The following WDR70 variants were observed in gnomAD, a reference collection of about 807,000 sequenced individuals.
The protein encoded by WDR70 is WD repeat domain 70, also known as WD repeat-containing protein 70.
Under a neutral mutation model 88.6 loss-of-function variants are expected in WDR70, and 53 were observed. That is an observed-to-expected ratio of 0.60 (90% CI 0.48 to 0.75). WDR70 has a LOEUF of 0.75. Ranked by LOEUF, WDR70 falls within the 30% of genes least tolerant of loss-of-function variation. The pLI is 0.00. For missense variants in WDR70, 610 were observed against 823.2 expected (o/e 0.74, Z 3.17); for synonymous variants, 280 against 270.0 (o/e 1.04, Z -0.36).
intron 10 of WDR70, among the ~76,000 whole-genome samples, chr5:37,610,684 T>C (rs1317236321): frequency 9.9e-5 from 15 of 152,136 alleles, no homozygotes; most frequent in Admixed American, 9.8e-4. Context: ...TGTAAAAAAT[T>C]CAGGGAATGA....
chr5:37,417,137 A>G (rs1749781287), intron 5 of WDR70, among the ~76,000 whole-genome samples: 1 of 152,210 alleles, frequency 6.6e-6, no homozygotes, highest in East Asian at 1.9e-4. Flanking sequence ...AGTTATAAAG[A>G]TAATCCAAAG....
chr5:37,665,558 C>T (rs1232334030), intron 10 of WDR70, among the ~76,000 whole-genome samples: 3 of 152,146 alleles, frequency 2.0e-5, no homozygotes, highest in African/African-American at 4.8e-5. Flanking sequence ...AAACAACCCC[C>T]AAAAGTCTCT....
intron 7 of WDR70, among the ~76,000 whole-genome samples, chr5:37,444,375 G>T: frequency 8.5e-6 from 1 of 118,276 alleles, no homozygotes; most frequent in South Asian, 2.9e-4. Flanking sequence ...GTCTGGCTCT[G>T]TTGCCCAGGC....
intron 9 of WDR70, among the ~76,000 whole-genome samples, chr5:37,551,316 A>C (rs1742138358): frequency 6.8e-6 from 1 of 147,912 alleles, no homozygotes; most frequent in Admixed American, 6.7e-5. Context: ...CCCCCTCCGC[A>C]AAAAAAAAAT....
At chr5:37,564,380 A>C (rs1261203456) in intron 9 of WDR70, among the ~76,000 whole-genome samples, 1 of 152,216 alleles carries the variant, frequency 6.6e-6, no homozygotes, top group Non-Finnish European at 1.5e-5. Context: ...TACGAAAACC[A>C]GTCAGGTGTG....
intron 5 of WDR70, among the ~76,000 whole-genome samples, chr5:37,419,212 C>CT (rs552848123): frequency 0.14 from 19,771 of 144,792 alleles, 4,299 homozygotes; most frequent in African/African-American, 0.46. Context: ...TAAAGTGTTT[C>CT]TTTTTTTTTT....
intron 9 of WDR70, among the ~76,000 whole-genome samples, chr5:37,519,118 CTCTT>C (rs1439036787): frequency 6.6e-6 from 1 of 152,214 alleles, no homozygotes; most frequent in Non-Finnish European, 1.5e-5. Context: ...AATCTGATCT[CTCTT>C]TCTTTTCCCC....
chr5:37,720,642 C>T (rs1191281886), intron 13 of WDR70, among the ~76,000 whole-genome samples: 3 of 152,164 alleles, frequency 2.0e-5, no homozygotes, highest in African/African-American at 7.2e-5. Context: ...TACAAATGTG[C>T]ATTGTTTCTG....
chr5:37,430,812 C>T lies in WDR70; in HGVS notation c.493-7110C>T, dbSNP rs193195199. Reference sequence around the variant, plus strand: ...CTGACCTCAAGTGATCCACCTGCCTCGGCCTCCCAACTGCTGGGATTACAG... The same window carrying T: ...CTGACCTCAAGTGATCCACCTGCCTTGGCCTCCCAACTGCTGGGATTACAG... On this transcript the variant is annotated intron_variant, in intron 5 of 17. Coordinates refer to ENST00000265107, the MANE Select transcript of WDR70 (RefSeq NM_018034.4). Among the ~76,000 whole-genome samples the T allele has an allele frequency of 7.2e-5, 11 of 151,936 alleles. No individual in the cohort carries two copies. In the East Asian group the frequency reaches 7.8e-4, roughly 11 times the overall value.
intron 9 of WDR70, among the ~76,000 whole-genome samples, chr5:37,531,703 T>C (rs570090552): frequency 6.6e-6 from 1 of 152,020 alleles, no homozygotes; most frequent in African/African-American, 2.4e-5. Flanking sequence ...GTTGAATTCT[T>C]ATCCATTCTG....
intron 9 of WDR70, among the ~76,000 whole-genome samples, chr5:37,563,562 C>A (rs1270042596): frequency 4.9e-5 from 3 of 60,982 alleles, no homozygotes; most frequent in Admixed American, 1.8e-4. Flanking sequence ...GGGGCTGACC[C>A]CCCCCCACCT....
intron 10 of WDR70, among the ~76,000 whole-genome samples, chr5:37,667,058 A>G (rs1320586265): frequency 2.0e-5 from 3 of 152,194 alleles, no homozygotes; most frequent in African/African-American, 4.8e-5. Flanking sequence ...AGTGACTGGT[A>G]GGTGATTTTT....
At chr5:37,550,344 T>C (rs909552386) in intron 9 of WDR70, among the ~76,000 whole-genome samples, 1 of 152,240 alleles carries the variant, frequency 6.6e-6, no homozygotes, top group African/African-American at 2.4e-5. Flanking sequence ...AGATAGTTGG[T>C]ACTATTTCAG....
chr5:37,551,615 C>T (rs1742147097), intron 9 of WDR70, among the ~76,000 whole-genome samples: 1 of 151,150 alleles, frequency 6.6e-6, no homozygotes, highest in South Asian at 2.1e-4. Flanking sequence ...TTAGTCCTAG[C>T]TACTTGGGAG....
chr5:37,592,282 C>T (rs921753891), intron 9 of WDR70, among the ~76,000 whole-genome samples: 1 of 152,096 alleles, frequency 6.6e-6, no homozygotes, highest in African/African-American at 2.4e-5. Flanking sequence ...AGTGTGTGTA[C>T]ATTGAACCAT....
chr5:37,429,191 A>G lies in WDR70; in HGVS notation c.493-8731A>G, dbSNP rs568621358. ...AAATCTTTTGTCCATTTGAAAAATT[A>G]GGTTGCCTTTTTATTGAGTTTTAGA... is the stretch of plus-strand genomic sequence containing the variant. On this transcript the variant is annotated intron_variant, in intron 5 of 17. Transcript: ENST00000265107. Among the ~76,000 whole-genome samples, 6 of 152,268 alleles carry G rather than the reference A, an allele frequency of 3.9e-5. No homozygotes were observed. In the East Asian group the frequency reaches 1.2e-3, roughly 29 times the overall value.
At chr5:37,568,141 C>T (rs1742796740) in intron 9 of WDR70, among the ~76,000 whole-genome samples, 1 of 152,102 alleles carries the variant, frequency 6.6e-6, no homozygotes, top group Non-Finnish European at 1.5e-5. Context: ...CCTCATTTAG[C>T]CCTACCCACC....
chr5:37,510,934 T>G (rs1283437014), intron 8 of WDR70, among the ~76,000 whole-genome samples: 2 of 152,212 alleles, frequency 1.3e-5, no homozygotes, highest in African/African-American at 4.8e-5. Flanking sequence ...TCCTCCTTTC[T>G]TCATCATACC....
At chr5:37,413,958 C>T (rs1334030237) in intron 5 of WDR70, among the ~76,000 whole-genome samples, 2 of 151,634 alleles carry the variant, frequency 1.3e-5, no homozygotes, top group Non-Finnish European at 2.9e-5. Flanking sequence ...CCAGCCTGAC[C>T]AACACGGAGA....
Sources: allele counts gnomAD v4.1 joint callset (sites outside exome capture counted in the v4.1 genomes callset), GRCh38; gene constraint gnomAD v4.1.1; transcripts MANE v1.5; gene names NCBI Gene and HGNC (gene_info 2026-07-23, HGNC 2026-07-21).